Variants in ZFPM2 observed in about 807,000 individuals in gnomAD.
The protein encoded by ZFPM2 is zinc finger protein ZFPM2.
A neutral mutation model predicts 98.6 loss-of-function variants in ZFPM2; 20 were observed. That is an observed-to-expected ratio of 0.20 (90% CI 0.14 to 0.29). The LOEUF (loss-of-function observed/expected upper bound fraction) is 0.29, where lower values mean the gene tolerates loss of function less well. Among genes scored for constraint, ZFPM2 ranks in the 10% least tolerant of loss-of-function variants. The probability of loss-of-function intolerance (pLI) is 1.00; values close to 1 mark genes in which losing one functional copy is unlikely to be tolerated. For synonymous variants in ZFPM2, 518 were observed against 502.7 expected, an observed-to-expected ratio of 1.03 and a Z score of -0.41; for missense variants, 1,310 against 1,388.6, an observed-to-expected ratio of 0.94 and a Z score of 0.90.
At chr8:105,463,015 TAAA>T (rs201178370) in intron 3 of ZFPM2, among the ~76,000 whole-genome samples, 2 of 151,204 alleles carry the variant, frequency 1.3e-5, no homozygotes, top group South Asian at 2.1e-4. Flanking sequence ...AGATAAATAA[TAAA>T]AAAAATATAA....
At chr8:105,362,059 G>A (rs1259633527) in intron 1 of ZFPM2, among the ~76,000 whole-genome samples, 1 of 152,084 alleles carries the variant, frequency 6.6e-6, no homozygotes, top group Non-Finnish European at 1.5e-5. Flanking sequence ...ATGATTGCAT[G>A]TGAATGTGTG....
intron 3 of ZFPM2, among the ~76,000 whole-genome samples, chr8:105,461,784 T>G (rs1812708788): frequency 6.6e-6 from 1 of 152,134 alleles, no homozygotes; most frequent in Admixed American, 6.6e-5. Context: ...CCATAATAAC[T>G]TTAGGGGTAC....
At chr8:105,370,692 T>C (rs1368277466) in intron 1 of ZFPM2, among the ~76,000 whole-genome samples, 5 of 152,244 alleles carry the variant, frequency 3.3e-5, no homozygotes, top group Non-Finnish European at 5.9e-5. Context: ...AAGACACTTA[T>C]TGAAGACTTT....
chr8:105,564,476 G>T (rs1815204354), intron 4 of ZFPM2, among the ~76,000 whole-genome samples: 1 of 151,798 alleles, frequency 6.6e-6, no homozygotes, highest in African/African-American at 2.4e-5. Flanking sequence ...AATACTACTA[G>T]TATTATTATT....
At chr8:105,380,989 C>T (rs1810876913) in intron 1 of ZFPM2, among the ~76,000 whole-genome samples, 1 of 132,522 alleles carries the variant, frequency 7.5e-6, no homozygotes, top group African/African-American at 2.8e-5. Flanking sequence ...AGGTTTGTTA[C>T]ATAGGTATAC....
intron 3 of ZFPM2, among the ~76,000 whole-genome samples, chr8:105,558,035 G>C (rs1396454739): frequency 6.7e-6 from 1 of 150,242 alleles, no homozygotes; most frequent in Non-Finnish European, 1.5e-5. Flanking sequence ...CTTATTTGAG[G>C]CCGTTCAGCT....
At chr8:105,474,417 CTT>C (rs1812973149) in intron 3 of ZFPM2, among the ~76,000 whole-genome samples, 1 of 152,164 alleles carries the variant, frequency 6.6e-6, no homozygotes, top group Non-Finnish European at 1.5e-5. Context: ...ATTTAAATAA[CTT>C]AATTTCACCA....
intron 3 of ZFPM2, among the ~76,000 whole-genome samples, chr8:105,485,543 C>A (rs1813215086): frequency 6.6e-6 from 1 of 152,034 alleles, no homozygotes; most frequent in Non-Finnish European, 1.5e-5. Flanking sequence ...GAAATATTGT[C>A]ATTGTAGCCT....
chr8:105,327,855 T>G (rs1159216011), intron 1 of ZFPM2, among the ~76,000 whole-genome samples: 1 of 151,738 alleles, frequency 6.6e-6, no homozygotes, highest in Non-Finnish European at 1.5e-5. Context: ...TAAAAGGCCT[T>G]TTTTTCATTT....
chr8:105,615,529 G>C (rs1816395606), intron 4 of ZFPM2, among the ~76,000 whole-genome samples: 1 of 152,106 alleles, frequency 6.6e-6, no homozygotes. Flanking sequence ...CTTCTAGGGA[G>C]TGGGGCACCT....
chr8:105,718,756 G>C (rs1811586749), intron 5 of ZFPM2, among the ~76,000 whole-genome samples: 1 of 151,696 alleles, frequency 6.6e-6, no homozygotes, highest in Non-Finnish European at 1.5e-5. Flanking sequence ...ATCATCTCTG[G>C]TTCAAAAAGC....
Position 105,803,309 on chromosome 8 carries a change from C to T in ZFPM2, c.3227C>T (p.Pro1076Leu). Reference sequence around the variant, plus strand: ...CAGCACGAAGACGACCACAAATCTCCCTCGTGGATCTCTGAGAACCCATTA... The same window carrying T: ...CAGCACGAAGACGACCACAAATCTCTCTCGTGGATCTCTGAGAACCCATTA... ...NPQHEDDHKS[P>L]SWISENPLAA... Residue 1076 changes from proline to leucine, a missense_variant, in exon 8 of 8, where the codon CCC (proline) becomes CTC (leucine). Physicochemically the swap from Pro to Leu is moderately conservative, Grantham distance 98 (BLOSUM62 -3). Coordinates refer to ENST00000407775, the MANE Select transcript of ZFPM2 (RefSeq NM_012082.4). 6.3e-7 allele frequency: 1 copy of T among 1,596,364 alleles called. No homozygotes were observed. The highest frequency in any genetic ancestry group is 8.5e-7 in the Non-Finnish European group (1 of 1,170,776).
chr8:105,547,109 A>G (rs544432280), intron 3 of ZFPM2, among the ~76,000 whole-genome samples: 1 of 152,316 alleles, frequency 6.6e-6, no homozygotes, highest in South Asian at 2.1e-4. Flanking sequence ...GTTCTTTGCA[A>G]TGGCAAATCA....
At chr8:105,452,198 A>T (rs573598550) in intron 3 of ZFPM2, among the ~76,000 whole-genome samples, 1 of 152,278 alleles carries the variant, frequency 6.6e-6, no homozygotes, top group Non-Finnish European at 1.5e-5. Context: ...CCTATATCAA[A>T]AGTTTGATGC....
chr8:105,397,162 T>C (rs1811239828), intron 1 of ZFPM2, among the ~76,000 whole-genome samples: 1 of 152,168 alleles, frequency 6.6e-6, no homozygotes, highest in Non-Finnish European at 1.5e-5. Context: ...CCCTCTATCA[T>C]ATCTTATCTC....
At chr8:105,337,496 C>T (rs567523929) in intron 1 of ZFPM2, among the ~76,000 whole-genome samples, 1 of 151,716 alleles carries the variant, frequency 6.6e-6, no homozygotes, top group Non-Finnish European at 1.5e-5. Flanking sequence ...TTGCCTTTCT[C>T]CTCTTTCCCA....
At chr8:105,508,480 C>G (rs1164175030) in intron 3 of ZFPM2, among the ~76,000 whole-genome samples, 1 of 152,042 alleles carries the variant, frequency 6.6e-6, no homozygotes, top group South Asian at 2.1e-4. Flanking sequence ...GTATTTCTCT[C>G]GTAACAATTA....
At chr8:105,725,484 C>A (rs1382813917) in intron 5 of ZFPM2, among the ~76,000 whole-genome samples, 1 of 151,700 alleles carries the variant, frequency 6.6e-6, no homozygotes, top group African/African-American at 2.4e-5. Context: ...CGGTATTTCC[C>A]AAAGACCAAG....
intron 1 of ZFPM2, among the ~76,000 whole-genome samples, chr8:105,417,496 T>C (rs1323225574): frequency 6.6e-6 from 1 of 152,104 alleles, no homozygotes; most frequent in Non-Finnish European, 1.5e-5. Context: ...TAATTACATT[T>C]GTTGAAAAAA....
Sources: allele counts gnomAD v4.1 joint callset (sites outside exome capture counted in the v4.1 genomes callset), GRCh38; gene constraint gnomAD v4.1.1; transcripts MANE v1.5; gene names NCBI Gene and HGNC (gene_info 2026-07-23, HGNC 2026-07-21).